The following MYO1D variants were observed in gnomAD, a reference collection of about 807,000 sequenced individuals.
MYO1D encodes the protein myosin ID, also known as unconventional myosin-Id.
A neutral mutation model predicts 122.0 loss-of-function variants in MYO1D; 83 were observed. That is an observed-to-expected ratio of 0.68 (90% CI 0.57 to 0.82). The LOEUF is 0.82. MYO1D is among the 40% of genes least tolerant of loss of function. The pLI, the probability that MYO1D is intolerant of heterozygous loss-of-function variation, is 0.00. For missense variants in MYO1D, 1,157 were observed against 1,269.5 expected, an observed-to-expected ratio of 0.91 and a Z score of 1.35; for synonymous variants, 464 against 446.9, an observed-to-expected ratio of 1.04 and a Z score of -0.48.
intron 21 of MYO1D, chr17:32,499,409 G>A (rs145463784): frequency 7.4e-4 from 113 of 152,300 alleles, no homozygotes; most frequent in African/African-American, 2.6e-3. Flanking sequence ...GCAGAGGCAG[G>A]TGGATCATGA....
chr17:32,750,259 G>A (rs879859984), intron 11 of MYO1D, among the ~76,000 whole-genome samples: 2 of 152,138 alleles, frequency 1.3e-5, no homozygotes, highest in Non-Finnish European at 2.9e-5. Flanking sequence ...TGTCTGCCCT[G>A]TTAAGAATCA....
chr17:32,530,426 T>C (rs1313584780), intron 21 of MYO1D, among the ~76,000 whole-genome samples: 3 of 152,198 alleles, frequency 2.0e-5, no homozygotes, highest in Non-Finnish European at 4.4e-5. Context: ...ACAGACTAAG[T>C]GCTAGTCTAA....
intron 21 of MYO1D, among the ~76,000 whole-genome samples, chr17:32,567,268 G>C (rs225205): frequency 6.6e-6 from 1 of 152,006 alleles, no homozygotes; most frequent in African/African-American, 2.4e-5. Flanking sequence ...CAGAGAACAC[G>C]ACTCAGCAAG....
Position 32,605,234 on chromosome 17 carries a change from C to G in MYO1D, c.2717G>C (p.Gly906Ala). ...MKTIPLYNLT[G>A]LSVSNGKDQL... ...GTCCTTTCCATTGGAGACACTCAGA[C>G]CAGTCAACTGCAAAGAGAAAATGCA... The change falls in exon 21 of 22, where the codon GGT becomes GCT. Residue 906 changes from glycine to alanine, a missense_variant. Coordinates refer to ENST00000318217, the MANE Select transcript of MYO1D (RefSeq NM_015194.3). 1 of 1,555,110 alleles carries G rather than the reference C, an allele frequency of 6.4e-7. No homozygotes were observed. The highest frequency in any genetic ancestry group is 8.8e-7 in the Non-Finnish European group (1 of 1,139,500).
chr17:32,564,250 T>C (rs1470710746), intron 21 of MYO1D, among the ~76,000 whole-genome samples: 2 of 152,192 alleles, frequency 1.3e-5, no homozygotes, highest in African/African-American at 2.4e-5. Flanking sequence ...TTGATCCATA[T>C]GGGCTGAGAA....
chr17:32,529,773 A>G (rs1336983405), intron 21 of MYO1D: 1 of 151,850 alleles, frequency 6.6e-6, no homozygotes, highest in African/African-American at 2.4e-5. Flanking sequence ...AGACATGAAC[A>G]CTCCTCTCCA....
intron 16 of MYO1D, among the ~76,000 whole-genome samples, chr17:32,698,883 AAG>A (rs1179143203): frequency 6.6e-6 from 1 of 152,244 alleles, no homozygotes; most frequent in East Asian, 1.9e-4. Flanking sequence ...AAATAAATAT[AAG>A]AACATATAAA....
At chr17:32,577,765 G>C (rs1288603854) in intron 21 of MYO1D, among the ~76,000 whole-genome samples, 3 of 150,712 alleles carry the variant, frequency 2.0e-5, no homozygotes, top group African/African-American at 7.3e-5. Context: ...TTGAGACGGA[G>C]TCTTGCTCTG....
At chr17:32,616,038 A>G (rs1027762531) in intron 20 of MYO1D, among the ~76,000 whole-genome samples, 3 of 152,220 alleles carry the variant, frequency 2.0e-5, no homozygotes, top group African/African-American at 7.2e-5. Context: ...AGTTGCAAAC[A>G]CAGATGGTCA....
chr17:32,735,728 G>GT (rs2089693927), intron 14 of MYO1D, among the ~76,000 whole-genome samples: 1 of 151,866 alleles, frequency 6.6e-6, no homozygotes, highest in Admixed American at 6.6e-5. Context: ...TTTACAAGAA[G>GT]TATGGGTATG....
chr17:32,800,178 T>C (rs968387168), intron 1 of MYO1D, among the ~76,000 whole-genome samples: 2 of 152,120 alleles, frequency 1.3e-5, no homozygotes, highest in Non-Finnish European at 2.9e-5. Flanking sequence ...GCAATCCCAC[T>C]ACTGGATATA....
intron 21 of MYO1D, among the ~76,000 whole-genome samples, chr17:32,579,159 C>T (rs1378046251): frequency 6.6e-6 from 1 of 152,164 alleles, no homozygotes; most frequent in Non-Finnish European, 1.5e-5. Context: ...GCCTCAGCCT[C>T]CTGGGCTGAA....
At chr17:32,561,379 A>G (rs2087124267) in intron 21 of MYO1D, among the ~76,000 whole-genome samples, 2 of 151,300 alleles carry the variant, frequency 1.3e-5, no homozygotes, top group Non-Finnish European at 2.9e-5. Context: ...TAAAATTCAT[A>G]CATGTTTATT....
At chr17:32,782,536 G>T (rs183129475) in intron 1 of MYO1D, among the ~76,000 whole-genome samples, 1 of 152,324 alleles carries the variant, frequency 6.6e-6, no homozygotes, top group East Asian at 1.9e-4. Flanking sequence ...TTCTGATTAT[G>T]TTATGCATAA....
intron 16 of MYO1D, among the ~76,000 whole-genome samples, chr17:32,695,933 C>T (rs1056881963): frequency 2.6e-5 from 4 of 152,124 alleles, no homozygotes; most frequent in Admixed American, 6.5e-5. Context: ...TGCTGAGACC[C>T]TTTACTTTTA....
At chr17:32,653,593 T>TAA (rs550878318) in intron 19 of MYO1D, among the ~76,000 whole-genome samples, 84 of 94,254 alleles carry the variant, frequency 8.9e-4, no homozygotes, top group African/African-American at 3.5e-3. Context: ...ACAACATGAG[T>TAA]AAAACTCCGT....
At chr17:32,809,244 G>A (rs928802623) in intron 1 of MYO1D, among the ~76,000 whole-genome samples, 7 of 150,954 alleles carry the variant, frequency 4.6e-5, no homozygotes, top group Non-Finnish European at 1.0e-4. Flanking sequence ...TCAGCCTCCT[G>A]AGCTGCTAAG....
At chr17:32,819,366 C>A (rs1189600201) in intron 1 of MYO1D, among the ~76,000 whole-genome samples, 3 of 152,100 alleles carry the variant, frequency 2.0e-5, no homozygotes, top group Non-Finnish European at 4.4e-5. Context: ...TATCTCCCAG[C>A]TTCTGCTTCT....
intron 16 of MYO1D, among the ~76,000 whole-genome samples, chr17:32,703,250 A>G (rs1022007766): frequency 6.6e-6 from 1 of 152,168 alleles, no homozygotes; most frequent in African/African-American, 2.4e-5. Flanking sequence ...AAAAAAGGCC[A>G]AATCCCCCAA....
Sources: gnomAD v4.1 joint callset for allele counts (sites outside exome capture counted in the v4.1 genomes callset) on GRCh38, gnomAD v4.1.1 for gene constraint, MANE v1.5 for transcripts, NCBI Gene and HGNC (gene_info 2026-07-23, HGNC 2026-07-21) for gene names.